The following NT5C2 variants were observed in gnomAD, a reference collection of about 807,000 sequenced individuals.
NT5C2 encodes the protein cytosolic purine 5'-nucleotidase.
In NT5C2, 58 loss-of-function variants were observed where a neutral mutation model predicts 76.1. The ratio of observed to expected loss-of-function variants is 0.76; its 90% CI spans 0.62 to 0.95. The LOEUF (loss-of-function observed/expected upper bound fraction) is 0.95. Among genes scored for constraint, NT5C2 ranks in the 40% least tolerant of loss-of-function variants. NT5C2 has a pLI of 0.00. For synonymous variants in NT5C2, 229 were observed against 237.4 expected, an observed-to-expected ratio of 0.96 and a Z score of 0.32; for missense variants, 478 against 690.3, an observed-to-expected ratio of 0.69 and a Z score of 3.45.
intron 4 of NT5C2, among the ~76,000 whole-genome samples, 188 bp from the exon 5 acceptor site, chr10:103,106,894 G>A (rs2071433440): frequency 2.0e-5 from 3 of 152,030 alleles, no homozygotes; most frequent in African/African-American, 2.4e-5. Flanking sequence ...TTAGTCTGTG[G>A]AAATAGGTCA....
At chr10:103,117,750 T>C (rs947416262) in intron 4 of NT5C2, among the ~76,000 whole-genome samples, 14 of 152,362 alleles carry the variant, frequency 9.2e-5, no homozygotes, top group Middle Eastern at 6.8e-3. Flanking sequence ...CATTGAAAAT[T>C]CTTATTTTAA....
intron 14 of NT5C2, 55 bp downstream of exon 14, chr10:103,093,917 C>T: frequency 7.5e-7 from 1 of 1,336,560 alleles, no homozygotes. Context: ...ATTACCAAAG[C>T]TTTCACTGTG....
intron 3 of NT5C2, among the ~76,000 whole-genome samples, chr10:103,157,793 G>A (rs780617936): frequency 2.6e-5 from 4 of 152,076 alleles, no homozygotes; most frequent in East Asian, 1.9e-4. Context: ...GAAAATTTGG[G>A]GCCAGGTGCG....
chr10:103,104,524 T>C (rs1395307935), intron 6 of NT5C2, among the ~76,000 whole-genome samples: 1 of 152,226 alleles, frequency 6.6e-6, no homozygotes, highest in Non-Finnish European at 1.5e-5. Flanking sequence ...TTCTAAATCC[T>C]GTTTCCTGAT....
intron 5 of NT5C2, among the ~76,000 whole-genome samples, chr10:103,106,272 G>A (rs543016285): frequency 6.6e-5 from 10 of 152,228 alleles, no homozygotes; most frequent in Admixed American, 4.6e-4. Context: ...AGAGAAACAC[G>A]TACCTATTTG....
intron 4 of NT5C2, among the ~76,000 whole-genome samples, chr10:103,119,530 G>A (rs1050240677): frequency 6.6e-6 from 1 of 152,200 alleles, no homozygotes; most frequent in African/African-American, 2.4e-5. Flanking sequence ...GATGCCCTGA[G>A]TATTATTTCA....
intron 3 of NT5C2, among the ~76,000 whole-genome samples, chr10:103,140,370 T>C (rs2080176944): frequency 2.0e-5 from 3 of 152,218 alleles, no homozygotes; most frequent in African/African-American, 2.4e-5. Flanking sequence ...TTGCAAACGG[T>C]AGAATCTCCT....
At chr10:103,158,653 C>T (rs2083996735) in intron 3 of NT5C2, among the ~76,000 whole-genome samples, 1 of 151,854 alleles carries the variant, frequency 6.6e-6, no homozygotes, top group African/African-American at 2.4e-5. Context: ...CCTGTCTCTA[C>T]TAAAAATACA....
chr10:103,192,791 G>A (rs751832360), intron 1 of NT5C2, among the ~76,000 whole-genome samples: 9 of 152,222 alleles, frequency 5.9e-5, no homozygotes, highest in Non-Finnish European at 1.0e-4. Flanking sequence ...GGCCTCAGGG[G>A]TGGCCGGGAA....
intron 3 of NT5C2, among the ~76,000 whole-genome samples, chr10:103,154,878 C>T (rs575735708): frequency 6.6e-6 from 1 of 152,342 alleles, no homozygotes; most frequent in East Asian, 1.9e-4. Flanking sequence ...AGGGTGCCAA[C>T]TTCCCATGGA....
intron 3 of NT5C2, among the ~76,000 whole-genome samples, chr10:103,151,977 G>T (rs1225448447): frequency 6.6e-6 from 1 of 152,102 alleles, no homozygotes; most frequent in African/African-American, 2.4e-5. Context: ...GGTAATATAG[G>T]TCCCTCCAAC....
rs1245383176 is a variant in NT5C2 at position 103,182,193 on chromosome 10, T to C, written c.-168-865A>G. On this transcript the variant is annotated intron_variant, in intron 1 of 18. Coordinates refer to ENST00000404739, the MANE Select transcript of NT5C2 (RefSeq NM_001351169.2). ...TAAAGTGAGGAGCACTTTAACAATA[T>C]GTAGAGCAGGTCTATCAGGCAGTGT... 2.0e-5 allele frequency among the ~76,000 whole-genome samples: 3 copies of C among 152,302 alleles called. No homozygotes were observed. In the East Asian group the frequency reaches 5.8e-4, roughly 29 times the overall value.
intron 3 of NT5C2, among the ~76,000 whole-genome samples, chr10:103,172,288 C>T (rs944763774): frequency 6.7e-6 from 1 of 150,192 alleles, no homozygotes; most frequent in African/African-American, 2.5e-5. Flanking sequence ...GCTCTGTCAC[C>T]CAGGCTGGAG....
chr10:103,184,016 G>A (rs1421359789), intron 1 of NT5C2, among the ~76,000 whole-genome samples: 3 of 150,890 alleles, frequency 2.0e-5, no homozygotes, highest in Admixed American at 1.3e-4. Flanking sequence ...GCAATGACGC[G>A]ATCTCGGCTC....
intron 3 of NT5C2, among the ~76,000 whole-genome samples, chr10:103,165,580 T>A (rs2086178624): frequency 6.7e-6 from 1 of 149,522 alleles, no homozygotes; most frequent in Non-Finnish European, 1.5e-5. Flanking sequence ...GTGGCTTTTT[T>A]TTTTTTTTTT....
rs777429683 is a variant in NT5C2, at chr10:103,089,797, G to A, written c.1561C>T (p.Arg521Trp). Residue 521 changes from arginine (R) to tryptophan (W), a missense_variant, in exon 19 of 19, where the codon CGG (arginine) becomes TGG (tryptophan). Physicochemically the swap from Arg to Trp is moderately radical, Grantham distance 101. Coordinates refer to ENST00000404739, the MANE Select transcript of NT5C2 (RefSeq NM_001351169.2). ...SVDFKDTDYK[R>W]HQLTRSISEI... ...CTAATTGACCGTGTCAGCTGGTGCC[G>A]CTTGTAGTCAGTGTCTTTGAAATCC... 9.3e-6 allele frequency: 15 copies of A among 1,613,894 alleles called. No individual in the cohort carries two copies. Among genetic ancestry groups the A allele is most frequent in the East Asian group, 4.5e-5 (2 of 44,886 alleles).
At chr10:103,165,631 ACT>A (rs988933035) in intron 3 of NT5C2, among the ~76,000 whole-genome samples, 4 of 138,402 alleles carry the variant, frequency 2.9e-5, no homozygotes, top group African/African-American at 1.1e-4. Flanking sequence ...AGAATCTCAA[ACT>A]CTTAGACTCA....
At chr10:103,169,491 C>A (rs1005525030) in intron 3 of NT5C2, 1 of 152,064 alleles carries the variant, frequency 6.6e-6, no homozygotes, top group Non-Finnish European at 1.5e-5. Context: ...TAGTGGTACA[C>A]GCCTGTAGTC....
chr10:103,132,175 G>A (rs2078303290), intron 4 of NT5C2, among the ~76,000 whole-genome samples: 1 of 151,724 alleles, frequency 6.6e-6, no homozygotes, highest in African/African-American at 2.4e-5. Context: ...GGGAGGCGGA[G>A]GTTGCAGTGA....
Sources: allele counts gnomAD v4.1 joint callset (sites outside exome capture counted in the v4.1 genomes callset), GRCh38; gene constraint gnomAD v4.1.1; transcripts MANE v1.5; gene names NCBI Gene and HGNC (gene_info 2026-07-23, HGNC 2026-07-21).